The following UNC5C variants were observed in gnomAD, a reference collection of about 807,000 sequenced individuals.
The protein encoded by UNC5C is unc-5 netrin receptor C, also known as netrin receptor UNC5C.
Under a neutral mutation model 99.8 loss-of-function variants are expected in UNC5C, and 47 were observed. The observed-to-expected ratio is 0.47, with a 90% CI of 0.37 to 0.60. The LOEUF is 0.60. Among genes scored for constraint, UNC5C ranks in the 20% least tolerant of loss-of-function variants. The probability of loss-of-function intolerance (pLI) is 0.00; values close to 1 mark genes in which losing one functional copy is unlikely to be tolerated. For missense variants in UNC5C, 1,062 were observed against 1,165.9 expected (o/e 0.91, Z 1.30); for synonymous variants, 487 against 452.2 (o/e 1.08, Z -0.98).
intron 1 of UNC5C, among the ~76,000 whole-genome samples, chr4:95,343,463 T>A (rs1278132367): frequency 2.6e-5 from 4 of 152,130 alleles, no homozygotes; most frequent in Non-Finnish European, 5.9e-5. Flanking sequence ...GGGCTTGGGA[T>A]GCCACCTAAT....
At chr4:95,263,048 C>T (rs553897503) in intron 4 of UNC5C, among the ~76,000 whole-genome samples, 2 of 152,104 alleles carry the variant, frequency 1.3e-5, no homozygotes, top group Non-Finnish European at 2.9e-5. Flanking sequence ...CTCCTGACCT[C>T]AGTTGATCCA....
At chr4:95,532,815 G>A (rs1394392337) in intron 1 of UNC5C, among the ~76,000 whole-genome samples, 1 of 151,572 alleles carries the variant, frequency 6.6e-6, no homozygotes, top group African/African-American at 2.4e-5. Context: ...AGATTGTAAT[G>A]ACAGGGAATA....
chr4:95,407,777 A>G (rs1426379070), intron 1 of UNC5C, among the ~76,000 whole-genome samples: 2 of 152,212 alleles, frequency 1.3e-5, no homozygotes, highest in Non-Finnish European at 2.9e-5. Context: ...TAATTTATCC[A>G]AAAGGCGTTA....
intron 5 of UNC5C, chr4:95,248,741 G>T (rs1020911475): frequency 2.9e-6 from 1 of 346,984 alleles, no homozygotes; most frequent in Non-Finnish European, 5.7e-6. Flanking sequence ...ATACCATAAT[G>T]GTCTGTTCCA....
chr4:95,469,761 T>C (rs1386038031), intron 1 of UNC5C, among the ~76,000 whole-genome samples: 1 of 152,132 alleles, frequency 6.6e-6, no homozygotes, highest in Non-Finnish European at 1.5e-5. Context: ...GTAGGTCCCA[T>C]GGTGTTAATC....
chr4:95,184,744 C>G (rs115446808), intron 13 of UNC5C, among the ~76,000 whole-genome samples: 2,997 of 152,186 alleles, frequency 0.02, 55 homozygotes, highest in Middle Eastern at 0.031. Flanking sequence ...GCATTTCAAG[C>G]TGTTTTTACC....
chr4:95,408,653 T>G (rs1187883457), intron 1 of UNC5C, among the ~76,000 whole-genome samples: 1 of 152,172 alleles, frequency 6.6e-6, no homozygotes, highest in East Asian at 1.9e-4. Flanking sequence ...GGCCTTTCAA[T>G]ACACTGAAAT....
chr4:95,269,999 GC>G (rs1207656392), intron 4 of UNC5C, among the ~76,000 whole-genome samples: 15 of 152,106 alleles, frequency 9.9e-5, no homozygotes, highest in Non-Finnish European at 2.1e-4. Context: ...ACAGGTGTGA[GC>G]CCCCGTACCT....
At chr4:95,333,141 A>G (rs1433541660) in intron 2 of UNC5C, among the ~76,000 whole-genome samples, 1 of 152,194 alleles carries the variant, frequency 6.6e-6, no homozygotes. Context: ...AACTAGTTCA[A>G]CCATTGCGGA....
chr4:95,186,093 T>C (rs915534622), intron 12 of UNC5C, among the ~76,000 whole-genome samples: 1 of 152,192 alleles, frequency 6.6e-6, no homozygotes, highest in Non-Finnish European at 1.5e-5. Context: ...CCATTAGTTA[T>C]CAATGAACAA....
intron 7 of UNC5C, among the ~76,000 whole-genome samples, chr4:95,239,383 ATGTTATAGT>A (rs761455537): frequency 5.9e-4 from 89 of 152,106 alleles, no homozygotes; most frequent in Non-Finnish European, 9.7e-4. Flanking sequence ...GTGGGCAAAA[ATGTTATAGT>A]TGTTTCTTGT....
chr4:95,292,557 C>T (rs915509360), intron 3 of UNC5C, among the ~76,000 whole-genome samples: 1 of 151,894 alleles, frequency 6.6e-6, no homozygotes, highest in Non-Finnish European at 1.5e-5. Context: ...CCTATGTGGA[C>T]CTTACTTTCT....
chr4:95,347,220 T>G (rs1447053624), intron 1 of UNC5C, among the ~76,000 whole-genome samples: 1 of 151,950 alleles, frequency 6.6e-6, no homozygotes, highest in African/African-American at 2.4e-5. Context: ...GAAATATCTC[T>G]AAAATGAAAA....
At chr4:95,314,484 C>T (rs962322532) in intron 2 of UNC5C, among the ~76,000 whole-genome samples, 2 of 152,218 alleles carry the variant, frequency 1.3e-5, no homozygotes, top group African/African-American at 4.8e-5. Context: ...GCTTGCACAG[C>T]TCCTCTATCA....
At chr4:95,515,811 A>G (rs1235916321) in intron 1 of UNC5C, among the ~76,000 whole-genome samples, 2 of 152,176 alleles carry the variant, frequency 1.3e-5, no homozygotes, top group African/African-American at 4.8e-5. Context: ...TTTTGACATC[A>G]TATTTTCCTA....
intron 1 of UNC5C, among the ~76,000 whole-genome samples, chr4:95,448,687 C>T (rs1297329108): frequency 6.6e-6 from 1 of 152,086 alleles, no homozygotes; most frequent in East Asian, 1.9e-4. Flanking sequence ...AATTGAATTA[C>T]AACTACCAAG....
At chr4:95,324,296 C>T (rs11933141) in intron 2 of UNC5C, among the ~76,000 whole-genome samples, 7,074 of 152,142 alleles carry the variant, frequency 0.046, 513 homozygotes, top group African/African-American at 0.16. Flanking sequence ...AGGTTGCATG[C>T]GCCTTATGAG....
At chr4:95,240,419 G>C (rs1412709855) in intron 7 of UNC5C, among the ~76,000 whole-genome samples, 3 of 152,138 alleles carry the variant, frequency 2.0e-5, no homozygotes, top group Non-Finnish European at 4.4e-5. Context: ...TTTTATCACT[G>C]AGGAAATCAA....
In UNC5C at chr4:95,521,515, GC is replaced by G. The variant is rs532136001; in HGVS notation, c.124+27218del. On this transcript the variant is annotated intron_variant, in intron 1 of 15. Transcript: ENST00000453304. ...TTACAGGCATGAGCCTCCACGCCTG[GC>G]CTCTTCTTCTTTTTATAAGGGCATT... Among the ~76,000 whole-genome samples the G allele has an allele frequency of 4.6e-4, 70 of 152,142 alleles. 1 individual carries two copies. The East Asian group carries it at 0.012, about 26-fold the overall frequency.
Sources: allele counts gnomAD v4.1 joint callset (sites outside exome capture counted in the v4.1 genomes callset), GRCh38; gene constraint gnomAD v4.1.1; transcripts MANE v1.5; gene names NCBI Gene and HGNC (gene_info 2026-07-23, HGNC 2026-07-21).